Variants in CROCC observed in about 807,000 individuals in gnomAD.
CROCC encodes the protein rootletin.
Under a neutral mutation model 245.2 loss-of-function variants are expected in CROCC, and 180 were observed. The ratio of observed to expected loss-of-function variants is 0.73; its 90% CI spans 0.65 to 0.83. The LOEUF (loss-of-function observed/expected upper bound fraction) is 0.83. Ranked by LOEUF, CROCC falls within the 40% of genes least tolerant of loss-of-function variation. The probability of loss-of-function intolerance (pLI) is 0.00; values close to 1 mark genes in which losing one functional copy is unlikely to be tolerated. For synonymous variants in CROCC, 1,205 were observed against 1,241.6 expected (o/e 0.97, Z 0.62); for missense variants, 2,688 against 2,779.4 (o/e 0.97, Z 0.74).
intron 10 of CROCC, 47 bp downstream of exon 10, chr1:16,937,784 C>T (rs771025546): frequency 1.1e-5 from 17 of 1,508,918 alleles, no homozygotes; most frequent in African/African-American, 1.1e-4. Context: ...GATGGGGTAC[C>T]GGCCAGATCC....
At chr1:16,916,980 C>T (rs2075312508), upstream of CROCC, among the ~76,000 whole-genome samples, 3 of 152,248 alleles carry the variant, frequency 2.0e-5, no homozygotes, top group Admixed American at 6.5e-5. Flanking sequence ...AAGCTGGGCG[C>T]GGTGGCGCAT....
At chr1:16,917,122 A>G (rs370567234), upstream of CROCC, among the ~76,000 whole-genome samples, 1 of 152,396 alleles carries the variant, frequency 6.6e-6, no homozygotes, top group African/African-American at 2.4e-5. Flanking sequence ...CATCTCAAAA[A>G]CAAAACAAAA....
chr1:16,972,287 G>A, intron 36 of CROCC, 73 bp from the exon 37 acceptor site: 2 of 1,196,076 alleles, frequency 1.7e-6, no homozygotes, highest in African/African-American at 1.5e-5. Context: ...GTCCCTCCGG[G>A]TTCCCTGCTG....
At chr1:16,963,297 G>A (rs1222944905) in intron 27 of CROCC, among the ~76,000 whole-genome samples, 1 of 151,952 alleles carries the variant, frequency 6.6e-6, no homozygotes, top group South Asian at 2.1e-4. Context: ...GAACGTGAGC[G>A]AGCAGCTGGG....
In CROCC at chr1:16,971,499, C is replaced by T. The variant is rs747339421; in HGVS notation, c.5819C>T (p.Pro1940Leu). Residue 1940 changes from proline to leucine, a missense_variant, in exon 36 of 37, where the codon CCG becomes CTG. Pro to Leu is a moderately conservative substitution (Grantham distance 98, BLOSUM62 -3). Transcript: ENST00000375541. ...GTGGTGCTGGAGCAGAGCCACAGCC[C>T]GGCCCAGCTGGAGGTGGATGCGCAG... ...QVVVLEQSHS[P>L]AQLEVDAQQQ... The T allele has an allele frequency of 3.2e-5, 49 of 1,537,008 alleles. No homozygotes were observed. The highest frequency in any genetic ancestry group is 9.8e-5 in the Admixed American group (5 of 50,990).
At chr1:16,953,700 G>A (rs2076202414) in intron 21 of CROCC, 3 of 524,168 alleles carry the variant, frequency 5.7e-6, no homozygotes, top group Non-Finnish European at 6.8e-6. Context: ...CTGAGTGACA[G>A]TGACAGTCGT....
At chr1:16,959,960 CA>C (rs905680578) in intron 26 of CROCC, among the ~76,000 whole-genome samples, 88 of 142,168 alleles carry the variant, frequency 6.2e-4, no homozygotes, top group African/African-American at 1.4e-3. Flanking sequence ...AAACAAAAAA[CA>C]AAAAAAAAAA....
chr1:16,929,901 G>A lies in CROCC; in HGVS notation c.407G>A (p.Gly136Glu). 1.3e-6 allele frequency: 2 copies of A among 1,588,486 alleles called. No homozygotes were observed. Among genetic ancestry groups the A allele is most frequent in the South Asian group, 1.1e-5 (1 of 87,326 alleles). The change falls in exon 4 of 37, where the codon GGG becomes GAG. Residue 136 changes from glycine to glutamate, a missense_variant. Around this residue, in one of 9 missense-constraint regions of CROCC, gnomAD observed 972 missense variants for 895.3 expected, o/e 1.09. Coordinates refer to ENST00000375541, the MANE Select transcript of CROCC (RefSeq NM_014675.5). ...GAGCTGGAGACGCAGGAGCCCAGGGGGCTGGTACGGCAGAGCGTGGAGTTG... is the reference window on the plus strand; with the variant it reads ...GAGCTGGAGACGCAGGAGCCCAGGGAGCTGGTACGGCAGAGCGTGGAGTTG... ...PGELETQEPR[G>E]LVRQSVELRR...
rs534346293 is a variant in CROCC at position 16,953,675 on chromosome 1, C to A, written c.3186+194C>A. ...GCTTTGCTGTGCTCCATGCCTGGCA[C>A]ACAGTGAGCACTTACTGAGTGACAG... On this transcript the variant is annotated intron_variant, in intron 21 of 36. Coordinates refer to ENST00000375541, the MANE Select transcript of CROCC (RefSeq NM_014675.5). The A allele has an allele frequency of 5.3e-6, 3 of 567,532 alleles. No individual in the cohort carries two copies. In the South Asian group the frequency reaches 6.4e-5, roughly 12 times the overall value. The allele number at this position is 567,532 out of a possible 1,614,324, so 35.2% of individuals were successfully genotyped here.
intron 14 of CROCC, among the ~76,000 whole-genome samples, chr1:16,945,257 T>C (rs6586585): frequency 4.3e-4 from 65 of 152,308 alleles, no homozygotes; most frequent in Non-Finnish European, 7.8e-4. Flanking sequence ...TGTCACGAGG[T>C]AAGTGTTACC....
Position 16,954,757 on chromosome 1 carries a change from T to TGAGCTGCGG in CROCC, c.3348_3356dup (p.Glu1116_Arg1118dup). On this transcript the variant is annotated inframe_insertion, in exon 23 of 37. Coordinates refer to ENST00000375541, the MANE Select transcript of CROCC (RefSeq NM_014675.5). This position sits in a 1 kb window ranked among gnomAD's most constrained non-coding sequence, Gnocchi z 4.4. ...AGAGCACCGTGAACGCTCTGACGTCTGAGCTGCGGGACCTACGGGCCCAGC... is the reference window on the plus strand; with the variant it reads ...AGAGCACCGTGAACGCTCTGACGTCTGAGCTGCGGGAGCTGCGGGACCTACGGGCCCAGC... 1 of 1,556,420 alleles carries TGAGCTGCGG rather than the reference T, an allele frequency of 6.4e-7. No individual in the cohort carries two copies. Among genetic ancestry groups the TGAGCTGCGG allele is most frequent in the South Asian group, 1.2e-5 (1 of 84,392 alleles).
At chr1:16,937,014 C>T (rs1246471137) in intron 9 of CROCC, 141 bp downstream of exon 9, 2 of 926,068 alleles carry the variant, frequency 2.2e-6, no homozygotes, top group Non-Finnish European at 3.3e-6. Context: ...CACTGAGGTT[C>T]CGAAGGCACT....
In CROCC at chr1:16,954,719, G is replaced by C; in HGVS notation, c.3322-15G>C. On this transcript the variant is annotated splice_polypyrimidine_tract_variant and intron_variant, in intron 22 of 36. Transcript: ENST00000375541. This position sits in a 1 kb window ranked among gnomAD's most constrained non-coding sequence, Gnocchi z 4.4. ...GACACAGCAGGACCAAGTCTGAGGA[G>C]CCCCTCTGTCCCAGAGCACCGTGAA... 1 of 1,540,084 alleles carries C rather than the reference G, an allele frequency of 6.5e-7. No individual in the cohort carries two copies.
Position 16,960,382 on chromosome 1 carries a change from C to T in CROCC, c.4033-376C>T, listed in dbSNP as rs544993032. On this transcript the variant is annotated intron_variant, in intron 26 of 36. Transcript: ENST00000375541. ...ACTAACTCTGGCCTTGGACAAGTTA[C>T]TTAGCATCTCTGTGCCTGTTTCATC... Among the ~76,000 whole-genome samples the T allele has an allele frequency of 3.4e-4, 52 of 152,346 alleles. 1 individual carries two copies. The South Asian group carries it at 0.011, about 31-fold the overall frequency.
chr1:16,951,305 G>T, intron 20 of CROCC, 183 bp downstream of exon 20: 1 of 502,262 alleles, frequency 2.0e-6, no homozygotes. Context: ...CAGATTCCCA[G>T]GTCCCAAATC....
At chr1:16,949,763 G>T (rs1028504978) in intron 19 of CROCC, among the ~76,000 whole-genome samples, 50 of 152,146 alleles carry the variant, frequency 3.3e-4, no homozygotes, top group Admixed American at 1.3e-4. Context: ...TCAGGAATAG[G>T]GTTGTTTTTT....
chr1:16,950,314 C>G (rs2076137710), intron 19 of CROCC, among the ~76,000 whole-genome samples: 1 of 149,896 alleles, frequency 6.7e-6, no homozygotes, highest in Non-Finnish European at 1.5e-5. Flanking sequence ...CCTACCTGAC[C>G]CAGCCTCCCA....
At chr1:16,963,174 AC>A (rs1267450312) in intron 27 of CROCC, among the ~76,000 whole-genome samples, 1 of 146,804 alleles carries the variant, frequency 6.8e-6, no homozygotes, top group African/African-American at 2.5e-5. Context: ...CAAGAGCGAA[AC>A]TCCGTCTCAG....
At chr1:16,970,894 C>A in intron 35 of CROCC, 127 bp downstream of exon 35, 1 of 1,186,506 alleles carries the variant, frequency 8.4e-7, no homozygotes, top group Non-Finnish European at 1.1e-6. Context: ...CTGAGCCTTC[C>A]AGTGACCCAG....
Sources: allele counts gnomAD v4.1 joint callset (sites outside exome capture counted in the v4.1 genomes callset), GRCh38; gene constraint gnomAD v4.1.1; regional missense constraint gnomAD v4.1.1; non-coding constraint Gnocchi (gnomAD v3.1); transcripts MANE v1.5; gene names NCBI Gene and HGNC (gene_info 2026-07-23, HGNC 2026-07-21).